Variants in C1orf87 observed in about 807,000 individuals in gnomAD.
C1orf87 encodes the protein uncharacterized protein C1orf87.
In C1orf87, 58 loss-of-function variants were observed where a neutral mutation model predicts 60.5. The ratio of observed to expected loss-of-function variants is 0.96; its 90% CI spans 0.78 to 1.19. The LOEUF is 1.19. Ranked by LOEUF, C1orf87 falls within the 50% of genes most tolerant of loss-of-function variation. C1orf87 has a pLI of 0.00. For synonymous variants in C1orf87, 236 were observed against 227.4 expected, an observed-to-expected ratio of 1.04 and a Z score of -0.34; for missense variants, 673 against 638.6, an observed-to-expected ratio of 1.05 and a Z score of -0.58.
Position 60,003,485 on chromosome 1 carries a change from CA to C in C1orf87, c.1193-2330del, listed in dbSNP as rs201769589. 3.6e-3 allele frequency among the ~76,000 whole-genome samples: 542 copies of C among 150,126 alleles called. 1 individual carries two copies. The highest frequency in any genetic ancestry group is 0.018 in the East Asian group (94 of 5,094). ...TTAAAAGTATAATTTAAAAAAATCA[CA>C]AAAAAAAAGAAAGTGTAAAGCAAAT... On this transcript the variant is annotated intron_variant, in intron 9 of 11. Transcript: ENST00000371201.
intron 2 of C1orf87, among the ~76,000 whole-genome samples, chr1:60,068,202 T>C (rs956332559): frequency 6.6e-6 from 1 of 152,086 alleles, no homozygotes; most frequent in Admixed American, 6.6e-5. Flanking sequence ...CACATCTCTC[T>C]GTCTGAATAC....
chr1:60,043,734 C>A (rs538269813), intron 3 of C1orf87, among the ~76,000 whole-genome samples: 16 of 152,068 alleles, frequency 1.1e-4, no homozygotes, highest in African/African-American at 2.7e-4. Flanking sequence ...CAATATGTTT[C>A]TTTGCAAATT....
chr1:59,998,026 A>G (rs540136930), intron 10 of C1orf87, among the ~76,000 whole-genome samples: 1 of 152,292 alleles, frequency 6.6e-6, no homozygotes, highest in African/African-American at 2.4e-5. Flanking sequence ...GTGTCTAAAG[A>G]GAAGGGTGAC....
At chr1:60,005,897 C>T (rs1320249548) in intron 9 of C1orf87, among the ~76,000 whole-genome samples, 5 of 151,322 alleles carry the variant, frequency 3.3e-5, no homozygotes, top group Non-Finnish European at 7.4e-5. Flanking sequence ...ACTACTCCTA[C>T]CCCATCCCAG....
At chr1:60,006,176 C>G (rs1206094718) in intron 9 of C1orf87, among the ~76,000 whole-genome samples, 1 of 151,912 alleles carries the variant, frequency 6.6e-6, no homozygotes, top group African/African-American at 2.4e-5. Context: ...GTAGAATGTC[C>G]AAGTAGTTGA....
intron 2 of C1orf87, among the ~76,000 whole-genome samples, chr1:60,064,870 T>A (rs1421748781): frequency 2.2e-5 from 2 of 91,614 alleles, no homozygotes; most frequent in African/African-American, 8.9e-5. Context: ...TATATATAAA[T>A]ATATATTTGT....
intron 2 of C1orf87, among the ~76,000 whole-genome samples, chr1:60,065,537 A>G (rs1645540195): frequency 6.6e-6 from 1 of 152,062 alleles, no homozygotes; most frequent in African/African-American, 2.4e-5. Context: ...TCCCTGCATG[A>G]ACAATCATTG....
intron 2 of C1orf87, among the ~76,000 whole-genome samples, chr1:60,067,293 C>T (rs1159815677): frequency 2.0e-5 from 3 of 152,122 alleles, no homozygotes; most frequent in Admixed American, 6.6e-5. Flanking sequence ...AGTGTAAAAG[C>T]GTTCCTATTT....
At chr1:60,063,304 A>G (rs1473923667) in intron 2 of C1orf87, among the ~76,000 whole-genome samples, 1 of 152,154 alleles carries the variant, frequency 6.6e-6, no homozygotes. Context: ...ATTTATCCAT[A>G]CTTTATGTAT....
chr1:60,014,374 C>A (rs948213722), intron 8 of C1orf87, among the ~76,000 whole-genome samples: 1 of 152,050 alleles, frequency 6.6e-6, no homozygotes, highest in Non-Finnish European at 1.5e-5. Flanking sequence ...TCCCATATTC[C>A]GTTTATTTAT....
At chr1:59,995,632 CTT>C (rs1296765953) in intron 11 of C1orf87, among the ~76,000 whole-genome samples, 1 of 152,224 alleles carries the variant, frequency 6.6e-6, no homozygotes, top group East Asian at 1.9e-4. Flanking sequence ...CAAGTTCTCT[CTT>C]TCTTGGAGTC....
intron 9 of C1orf87, among the ~76,000 whole-genome samples, chr1:60,003,022 G>A (rs866231066): frequency 6.0e-5 from 9 of 151,226 alleles, no homozygotes; most frequent in Admixed American, 3.3e-4. Flanking sequence ...ACATGCACAC[G>A]TATGTTTATT....
At chr1:60,070,267 A>G (rs1017453506) in intron 2 of C1orf87, among the ~76,000 whole-genome samples, 2 of 152,220 alleles carry the variant, frequency 1.3e-5, no homozygotes, top group African/African-American at 4.8e-5. Flanking sequence ...AATCTGAGCT[A>G]AATGTGGTTA....
intron 3 of C1orf87, among the ~76,000 whole-genome samples, chr1:60,052,562 TTTAC>T (rs1230972727): frequency 6.6e-6 from 1 of 152,196 alleles, no homozygotes; most frequent in African/African-American, 2.4e-5. Context: ...CATCTTCAGT[TTTAC>T]TTACTTCCTA....
chr1:60,018,530 A>G (rs1204282970), intron 8 of C1orf87, among the ~76,000 whole-genome samples: 2 of 152,138 alleles, frequency 1.3e-5, no homozygotes, highest in Non-Finnish European at 2.9e-5. Flanking sequence ...TTTTTAATCA[A>G]CAAATATCTA....
chr1:59,992,550 T>C (rs1644931825), intron 11 of C1orf87, among the ~76,000 whole-genome samples: 1 of 152,160 alleles, frequency 6.6e-6, no homozygotes, highest in Non-Finnish European at 1.5e-5. Flanking sequence ...CCACTGTGCC[T>C]GGCCTCTTTT....
intron 2 of C1orf87, among the ~76,000 whole-genome samples, chr1:60,067,294 G>T (rs868658873): frequency 6.6e-6 from 1 of 152,132 alleles, no homozygotes; most frequent in Non-Finnish European, 1.5e-5. Flanking sequence ...GTGTAAAAGC[G>T]TTCCTATTTC....
rs569022276 is a variant in C1orf87 at position 60,020,509 on chromosome 1, G to A, written c.1127+4892C>T. Among the ~76,000 whole-genome samples, 365 of 152,296 alleles carry A rather than the reference G, an allele frequency of 2.4e-3. 1 individual carries two copies. Among genetic ancestry groups the A allele is most frequent in the Middle Eastern group, 6.8e-3 (2 of 294 alleles). On this transcript the variant is annotated intron_variant, in intron 8 of 11. Transcript: ENST00000371201. ...TTGCATCAGTGTGCTCTGGATGTGA[G>A]ACATAGAATCAAAAGAAATTATTCT...
intron 9 of C1orf87, 132 bp downstream of exon 9, chr1:60,010,259 TG>T: frequency 1.2e-6 from 1 of 813,796 alleles, no homozygotes; most frequent in South Asian, 1.7e-5. Context: ...TTTCCTTCAC[TG>T]GGGAGCTATT....
Sources: allele counts gnomAD v4.1 joint callset (sites outside exome capture counted in the v4.1 genomes callset), GRCh38; gene constraint gnomAD v4.1.1; transcripts MANE v1.5; gene names NCBI Gene and HGNC (gene_info 2026-07-23, HGNC 2026-07-21).